Variants in RMC1 observed in about 807,000 individuals in gnomAD.
RMC1 encodes the protein regulator of MON1-CCZ1.
RMC1 carries 44 observed loss-of-function variants against 95.5 expected under a neutral mutation model. The ratio of observed to expected loss-of-function variants is 0.46; its 90% confidence interval spans 0.36 to 0.59. The LOEUF (loss-of-function observed/expected upper bound fraction) is 0.59. Ranked by LOEUF, RMC1 falls within the 20% of genes least tolerant of loss-of-function variation. The probability of loss-of-function intolerance (pLI) is 0.00; values close to 1 mark genes in which losing one functional copy is unlikely to be tolerated. For missense variants in RMC1, 705 were observed against 819.6 expected, an observed-to-expected ratio of 0.86 and a Z score of 1.71; for synonymous variants, 320 against 303.6, an observed-to-expected ratio of 1.05 and a Z score of -0.56.
In RMC1 at chr18:23,503,542, G is replaced by C. The variant is rs888673582; in HGVS notation, c.-77G>C. On this transcript the variant is annotated 5_prime_UTR_variant, in exon 1 of 20. Transcript: ENST00000269221. ...GCAGCCGCAGCCGCCGCTACAGTCC[G>C]GGCCGGGCTCCACCGCGCATCCTGC... 3 of 1,083,542 alleles carry C rather than the reference G, an allele frequency of 2.8e-6. No homozygotes were observed. The highest frequency in any genetic ancestry group is 3.8e-6 in the Non-Finnish European group (3 of 799,374). 67.1% of individuals were successfully genotyped at this position (1,083,542 alleles called of 1,614,324 possible).
At chr18:23,503,954 C>T (rs1206480349) in intron 1 of RMC1, among the ~76,000 whole-genome samples, 1 of 151,464 alleles carries the variant, frequency 6.6e-6, no homozygotes, top group Admixed American at 6.6e-5. Context: ...GCAGTGGCCC[C>T]GTGGCCAGTG....
chr18:23,529,838 A>G, intron 16 of RMC1, 126 bp downstream of exon 16: 2 of 1,090,032 alleles, frequency 1.8e-6, no homozygotes, highest in African/African-American at 1.6e-5. Flanking sequence ...ATGCTGAGTG[A>G]CTCCTGACAT....
intron 10 of RMC1, 77 bp from the exon 11 acceptor site, chr18:23,524,053 G>A: frequency 7.1e-7 from 1 of 1,412,392 alleles, no homozygotes; most frequent in Non-Finnish European, 1.0e-6. Flanking sequence ...AAAAAGTATT[G>A]ACTTTTGTGT....
intron 10 of RMC1, among the ~76,000 whole-genome samples, chr18:23,521,162 G>GT (rs1202237376): frequency 6.6e-6 from 1 of 152,112 alleles, no homozygotes; most frequent in Non-Finnish European, 1.5e-5. Context: ...GCCTGTTCTA[G>GT]TTTTTTAAAA....
At chr18:23,526,797 C>A (rs1022900085) in intron 13 of RMC1, 32 bp downstream of exon 13, 3 of 1,610,006 alleles carry the variant, frequency 1.9e-6, no homozygotes, top group South Asian at 1.1e-5. Context: ...TGCTCTGATT[C>A]CAGTGTGAGG....
At chr18:23,527,331 C>T (rs889543622) in intron 13 of RMC1, among the ~76,000 whole-genome samples, 12 of 151,428 alleles carry the variant, frequency 7.9e-5, no homozygotes, top group Admixed American at 1.3e-4. Context: ...CCCGGGAGGA[C>T]GAGGCTGCAG....
intron 15 of RMC1, 131 bp downstream of exon 15, chr18:23,529,429 C>G (rs1203358554): frequency 7.1e-7 from 1 of 1,413,568 alleles, no homozygotes; most frequent in African/African-American, 1.4e-5. Flanking sequence ...TTGGGTGAGG[C>G]CCTAGAGCTG....
At chr18:23,514,853 C>T (rs944372320) in intron 5 of RMC1, among the ~76,000 whole-genome samples, 1 of 152,094 alleles carries the variant, frequency 6.6e-6, no homozygotes, top group African/African-American at 2.4e-5. Context: ...GGCTCCTGCC[C>T]CTGACTTGCG....
intron 5 of RMC1, among the ~76,000 whole-genome samples, chr18:23,514,746 T>G (rs927910905): frequency 1.3e-5 from 2 of 152,144 alleles, no homozygotes; most frequent in African/African-American, 4.8e-5. Context: ...AAAGTATACC[T>G]TAAGGTTACC....
In RMC1 at chr18:23,519,102, G is replaced by A. The variant is rs774197072; in HGVS notation, c.777G>A (p.Lys259=). 1.2e-6 allele frequency: 2 copies of A among 1,614,086 alleles called. No homozygotes were observed. The highest frequency in any genetic ancestry group is 1.7e-6 in the Non-Finnish European group (2 of 1,180,050). The change falls in exon 9 of 20, where the codon AAG becomes AAA. Residue 259 remains lysine, a synonymous_variant. Transcript: ENST00000269221. ...CCTGTAAAAAGATGCACATATTGAAGTTAAATAGGACGGGAAAGTTTGCCC... is the reference window on the plus strand; with the variant it reads ...CCTGTAAAAAGATGCACATATTGAAATTAAATAGGACGGGAAAGTTTGCCC... ...EGACKKMHIL[K]LNRTGKFALN...
At chr18:23,527,347 C>T (rs901987656) in intron 13 of RMC1, among the ~76,000 whole-genome samples, 2 of 152,016 alleles carry the variant, frequency 1.3e-5, no homozygotes, top group Admixed American at 6.6e-5. Flanking sequence ...TGCAGCGAGC[C>T]GTTTGTGTCA....
At chr18:23,524,532 T>C in intron 12 of RMC1, 50 bp downstream of exon 12, 2 of 1,587,796 alleles carry the variant, frequency 1.3e-6, no homozygotes, top group Middle Eastern at 1.7e-4. Flanking sequence ...CTTGTTGACT[T>C]TGGATCCCAG....
chr18:23,522,762 G>C (rs1452103115), intron 10 of RMC1: 1 of 152,398 alleles, frequency 6.6e-6, no homozygotes, highest in African/African-American at 2.4e-5. Flanking sequence ...TGGGGATCTA[G>C]GTAGTGTGGG....
intron 6 of RMC1, 73 bp downstream of exon 6, chr18:23,516,069 C>A: frequency 1.2e-6 from 2 of 1,601,182 alleles, no homozygotes; most frequent in Non-Finnish European, 1.7e-6. Flanking sequence ...CCTAATGTGT[C>A]AGGCACGTTA....
intron 9 of RMC1, 118 bp downstream of exon 9, chr18:23,519,292 C>G: frequency 1.2e-6 from 1 of 834,718 alleles, no homozygotes; most frequent in Non-Finnish European, 1.9e-6. Flanking sequence ...CCAAGGCGGA[C>G]AGATTGCTTG....
intron 13 of RMC1, among the ~76,000 whole-genome samples, chr18:23,527,223 CAAAAAAAA>C (rs386387173): frequency 4.4e-3 from 194 of 43,652 alleles, no homozygotes; most frequent in African/African-American, 0.012. Context: ...CCTGTCTCTA[CAAAAAAAA>C]AAAAAAAAAA....
At chr18:23,531,506 A>AACAATG in intron 19 of RMC1, 119 bp from the exon 20 acceptor site, 1 of 1,490,450 alleles carries the variant, frequency 6.7e-7, no homozygotes, top group Non-Finnish European at 8.9e-7. Context: ...AACTTAGGAA[A>AACAATG]ACAATGTATT....
intron 7 of RMC1, among the ~76,000 whole-genome samples, chr18:23,517,803 C>T (rs1459938070): frequency 6.6e-6 from 1 of 152,116 alleles, no homozygotes; most frequent in Non-Finnish European, 1.5e-5. Context: ...CCACAACCTC[C>T]GCCTTCTAGG....
At chr18:23,529,012 T>G in intron 14 of RMC1, 167 bp from the exon 15 acceptor site, 6 of 1,104,312 alleles carry the variant, frequency 5.4e-6, no homozygotes, top group Non-Finnish European at 6.2e-6. Flanking sequence ...CCTGAGTAGC[T>G]GGGATTACAG....
Sources: gnomAD v4.1 joint callset for allele counts (sites outside exome capture counted in the v4.1 genomes callset) on GRCh38, gnomAD v4.1.1 for gene constraint, MANE v1.5 for transcripts, NCBI Gene and HGNC (gene_info 2026-07-23, HGNC 2026-07-21) for gene names.